Variants in CFAP54 observed in about 807,000 individuals in gnomAD.
CFAP54 encodes cilia and flagella associated protein 54.
A neutral mutation model predicts 370.4 loss-of-function variants in CFAP54; 290 were observed. That is an observed-to-expected ratio of 0.78 (90% CI 0.71 to 0.86). The LOEUF (loss-of-function observed/expected upper bound fraction) is 0.86, where lower values mean the gene tolerates loss of function less well. Ranked by LOEUF, CFAP54 falls within the 40% of genes least tolerant of loss-of-function variation. The pLI is 0.00. For missense variants in CFAP54, 3,399 were observed against 3,528.7 expected (o/e 0.96, Z 0.93); for synonymous variants, 1,206 against 1,236.5 (o/e 0.98, Z 0.52).
chr12:96,634,618 T>G (rs1468790839), intron 32 of CFAP54, among the ~76,000 whole-genome samples: 3 of 152,174 alleles, frequency 2.0e-5, no homozygotes, highest in Non-Finnish European at 4.4e-5. Flanking sequence ...AGCTTATCAA[T>G]TTTTCCTTTA....
intron 66 of CFAP54, among the ~76,000 whole-genome samples, chr12:96,857,706 T>A (rs1032587490): frequency 3.3e-5 from 5 of 152,154 alleles, no homozygotes; most frequent in Admixed American, 6.5e-5. Context: ...TGAGTTCTCA[T>A]GAGATCTGAT....
At chr12:96,819,121 C>T (rs1298906058) in intron 65 of CFAP54, among the ~76,000 whole-genome samples, 1 of 152,198 alleles carries the variant, frequency 6.6e-6, no homozygotes, top group African/African-American at 2.4e-5. Flanking sequence ...TTAGCTGCTA[C>T]GTTTGTTATT....
At chr12:96,543,201 T>A (rs1485463099) in intron 14 of CFAP54, among the ~76,000 whole-genome samples, 1 of 152,194 alleles carries the variant, frequency 6.6e-6, no homozygotes, top group Non-Finnish European at 1.5e-5. Flanking sequence ...TGAGTTCAGG[T>A]CTAGGTTGGT....
At chr12:96,867,499 A>G (rs1024881884) in intron 67 of CFAP54, among the ~76,000 whole-genome samples, 2 of 152,222 alleles carry the variant, frequency 1.3e-5, no homozygotes, top group African/African-American at 4.8e-5. Context: ...TATGGAATCA[A>G]CGTAAGTCTC....
intron 62 of CFAP54, among the ~76,000 whole-genome samples, chr12:96,789,680 A>G (rs1380490292): frequency 6.6e-6 from 1 of 152,208 alleles, no homozygotes; most frequent in Non-Finnish European, 1.5e-5. Context: ...TTCAAGCTTG[A>G]ATACGTTGTA....
chr12:96,650,779 A>G (rs1956849947), intron 35 of CFAP54, among the ~76,000 whole-genome samples: 5 of 152,186 alleles, frequency 3.3e-5, no homozygotes, highest in Admixed American at 3.3e-4. Context: ...TGATTTTTAC[A>G]TAATGTAATG....
Position 96,489,588 on chromosome 12 carries a change from A to C in CFAP54, c.-22A>C. On this transcript the variant is annotated 5_prime_UTR_variant, in exon 1 of 68. Transcript: ENST00000524981. ...AGGCAACCGCGTGTACACATACTCCAGGCGGGCCGGGGCGCGTCAATATGG... is the reference window on the plus strand; with the variant it reads ...AGGCAACCGCGTGTACACATACTCCCGGCGGGCCGGGGCGCGTCAATATGG... 3 of 1,499,146 alleles carry C rather than the reference A, an allele frequency of 2.0e-6. No individual in the cohort carries two copies. The highest frequency in any genetic ancestry group is 2.7e-6 in the Non-Finnish European group (3 of 1,124,542). The allele number at this position is 1,499,146 out of a possible 1,614,324, so 92.9% of individuals were successfully genotyped here.
chr12:96,649,754 C>T (rs1170735125), intron 34 of CFAP54, 137 bp from the exon 35 acceptor site: 2 of 573,162 alleles, frequency 3.5e-6, no homozygotes, highest in Non-Finnish European at 5.8e-6. Context: ...CATTGTATCT[C>T]TGATAGTCTT....
At chr12:96,642,831 A>G (rs1441765516) in intron 32 of CFAP54, among the ~76,000 whole-genome samples, 2 of 152,146 alleles carry the variant, frequency 1.3e-5, no homozygotes, top group Admixed American at 6.6e-5. Flanking sequence ...TGAAGACACA[A>G]ATCAGGTTAT....
intron 26 of CFAP54, among the ~76,000 whole-genome samples, chr12:96,602,644 A>C (rs553801801): frequency 6.6e-6 from 1 of 152,266 alleles, no homozygotes; most frequent in Admixed American, 6.5e-5. Context: ...GTGCTCCTGT[A>C]TTGGGTGCAT....
chr12:96,558,187 T>C (rs1955775171), intron 17 of CFAP54, among the ~76,000 whole-genome samples: 1 of 152,176 alleles, frequency 6.6e-6, no homozygotes, highest in African/African-American at 2.4e-5. Context: ...ATGATAAATA[T>C]ATTTTTGTAT....
At chr12:96,685,952 T>C (rs148939763) in intron 42 of CFAP54, among the ~76,000 whole-genome samples, 46 of 152,298 alleles carry the variant, frequency 3.0e-4, no homozygotes, top group Admixed American at 2.1e-3. Flanking sequence ...AAAAGTGTAC[T>C]AGAAACCAGT....
intron 29 of CFAP54, 93 bp downstream of exon 29, chr12:96,625,900 T>C: frequency 1.1e-6 from 1 of 920,808 alleles, no homozygotes; most frequent in Non-Finnish European, 1.6e-6. Context: ...TGCTTGAAGA[T>C]TTCACCTGTT....
chr12:96,663,183 A>G (rs1201880031), intron 38 of CFAP54, among the ~76,000 whole-genome samples: 1 of 152,170 alleles, frequency 6.6e-6, no homozygotes, highest in South Asian at 2.1e-4. Context: ...TTTACTTCTC[A>G]TTATAAAAGT....
At chr12:96,636,811 G>A (rs1226829396) in intron 32 of CFAP54, among the ~76,000 whole-genome samples, 1 of 152,150 alleles carries the variant, frequency 6.6e-6, no homozygotes, top group Non-Finnish European at 1.5e-5. Context: ...AAAATTAGCT[G>A]GGTGTGGCGG....
At chr12:96,727,019 G>T (rs1471332043) in intron 50 of CFAP54, among the ~76,000 whole-genome samples, 1 of 152,218 alleles carries the variant, frequency 6.6e-6, no homozygotes, top group African/African-American at 2.4e-5. Context: ...GTTCTAGTTT[G>T]ATTGCACTGT....
intron 20 of CFAP54, 87 bp from the exon 21 acceptor site, chr12:96,580,510 A>G: frequency 1.5e-6 from 1 of 677,456 alleles, no homozygotes; most frequent in Non-Finnish European, 2.2e-6. Flanking sequence ...AACCTGAATC[A>G]TTACATTTTT....
At position 96,871,591 on chromosome 12, in the gene CFAP54, G is replaced by T. The variant is rs61938377; in HGVS notation, c.*15-3527G>T. 3.8e-3 allele frequency among the ~76,000 whole-genome samples: 580 copies of T among 152,216 alleles called. 3 individuals are homozygous for T. The highest frequency in any genetic ancestry group is 5.8e-3 in the Non-Finnish European group (394 of 68,012). ...GTCAACACATTTCCAGAAGTTCCAG[G>T]TATTAGAATTAGCAGATGGAGACTT... On this transcript the variant is annotated intron_variant, in intron 67 of 67. Transcript: ENST00000524981.
chr12:96,626,467 A>G (rs1956550338), intron 29 of CFAP54, among the ~76,000 whole-genome samples: 1 of 152,118 alleles, frequency 6.6e-6, no homozygotes, highest in African/African-American at 2.4e-5. Context: ...AACATAATTG[A>G]TTAATTCAGA....
Sources: allele counts gnomAD v4.1 joint callset (sites outside exome capture counted in the v4.1 genomes callset), GRCh38; gene constraint gnomAD v4.1.1; transcripts MANE v1.5; gene names NCBI Gene and HGNC (gene_info 2026-07-23, HGNC 2026-07-21).